The following FGB variants were observed in gnomAD, a reference collection of about 807,000 sequenced individuals.
The protein encoded by FGB is fibrinogen beta chain, also known as beta-fibrinogen.
A neutral mutation model predicts 57.9 loss-of-function variants in FGB; 25 were observed. That is an observed-to-expected ratio of 0.43 (90% confidence interval 0.31 to 0.60). FGB has a LOEUF of 0.60. FGB is among the 20% of genes least tolerant of loss of function. The pLI, the probability that FGB is intolerant of heterozygous loss-of-function variation, is 0.08. For missense variants in FGB, 536 were observed against 598.4 expected (o/e 0.90, Z 1.09); for synonymous variants, 203 against 199.2 (o/e 1.02, Z -0.16).
chr4:154,569,195 TC>T lies in FGB; in HGVS notation c.847del (p.Gln283ArgfsTer59). The T allele has an allele frequency of 6.2e-7, 1 of 1,614,148 alleles. No homozygotes were observed. Among genetic ancestry groups the T allele is most frequent in the Non-Finnish European group, 8.5e-7 (1 of 1,180,006 alleles). On this transcript the variant is annotated frameshift_variant, in exon 6 of 8. Transcript: ENST00000302068. LOFTEE classifies it high-confidence loss of function. ...TGTCAACCAAAGGATGGACAGTGAT[TC>T]AGAACCGTCAAGACGGTAGTGTTGA... Reference protein sequence around the residue: ...NTENGGWTVIQNRQDGSVDFG... With the variant: ...NTENGGWTVIXNRQDGSVDFG...
At chr4:154,565,288 T>C (rs1730108748) in intron 1 of FGB, 2 of 379,736 alleles carry the variant, frequency 5.3e-6, no homozygotes, top group Non-Finnish European at 1.1e-5. Flanking sequence ...CAGAGTACAT[T>C]ATGAGGGTCA....
intron 1 of FGB, 137 bp from the exon 2 acceptor site, chr4:154,565,671 C>T: frequency 1.2e-6 from 1 of 854,086 alleles, no homozygotes. Flanking sequence ...TTCACTATCA[C>T]CAACCAGCCA....
At chr4:154,566,735 C>G in intron 3 of FGB, 63 bp downstream of exon 3, 1 of 1,431,214 alleles carries the variant, frequency 7.0e-7, no homozygotes, top group East Asian at 2.3e-5. Flanking sequence ...TAGACTGCCA[C>G]GAGAATGCAT....
At chr4:154,568,318 G>A (rs1466727412) in intron 4 of FGB, 63 bp from the exon 5 acceptor site, 4 of 858,706 alleles carry the variant, frequency 4.7e-6, no homozygotes, top group Non-Finnish European at 8.1e-6. Context: ...TAAAGAATTG[G>A]TGACTAAATA....
rs761354866 is a variant in FGB at position 154,565,885 on chromosome 4, G to A, written c.192G>A (p.Pro64=). 4.4e-5 allele frequency: 71 copies of A among 1,613,834 alleles called. 1 individual carries two copies. In the South Asian group the frequency reaches 5.1e-4, roughly 11 times the overall value. The change falls in exon 2 of 8, where the codon CCG becomes CCA. Residue 64 remains proline, a synonymous_variant. Transcript: ENST00000302068. ...EEAPSLRPAP[P]PISGGGYRAR... ...CTCCCAGCCTGAGGCCTGCCCCACC[G>A]CCCATCAGTGGAGGTGGCTATCGGG...
chr4:154,570,065 T>C (rs918251227), intron 7 of FGB, among the ~76,000 whole-genome samples: 3 of 152,246 alleles, frequency 2.0e-5, no homozygotes, highest in Admixed American at 6.5e-5. Flanking sequence ...GCACAGTTAC[T>C]TTCTGAATAA....
chr4:154,563,967 G>A (rs1730051502), intron 1 of FGB, among the ~76,000 whole-genome samples: 1 of 151,912 alleles, frequency 6.6e-6, no homozygotes, highest in Non-Finnish European at 1.5e-5. Context: ...GATCATTATT[G>A]AGTTTCAAGG....
At position 154,571,942 on chromosome 4, in the gene FGB, C is replaced by T. The variant is rs564877825; in HGVS notation, c.*1292C>T. ...AATGCTACTACTCTCTTTAATTACTCACCAAATCCAACTTTAACTTTTGAC... is the reference window on the plus strand; with the variant it reads ...AATGCTACTACTCTCTTTAATTACTTACCAAATCCAACTTTAACTTTTGAC... On this transcript the variant is annotated 3_prime_UTR_variant, in exon 8 of 8. Coordinates refer to ENST00000302068, the MANE Select transcript of FGB (RefSeq NM_005141.5). Among the ~76,000 whole-genome samples, 2 of 152,274 alleles carry T rather than the reference C, an allele frequency of 1.3e-5. No individual in the cohort carries two copies. The highest frequency in any genetic ancestry group is 6.5e-5 in the Admixed American group (1 of 15,296).
chr4:154,567,048 C>T (rs928461197), intron 3 of FGB, among the ~76,000 whole-genome samples: 1 of 152,152 alleles, frequency 6.6e-6, no homozygotes, highest in Non-Finnish European at 1.5e-5. Context: ...GATAATGACA[C>T]CTAACCTGTG....
chr4:154,563,134 TG>T lies in FGB; in HGVS notation c.114+3del. 7.5e-7 allele frequency: 1 copy of T among 1,340,950 alleles called. No homozygotes were observed. The highest frequency in any genetic ancestry group is 1.0e-6 in the Non-Finnish European group (1 of 956,080). The allele number at this position is 1,340,950 out of a possible 1,614,324, so 83.1% of individuals were successfully genotyped here. A position where few individuals can be genotyped will look rare whatever the true frequency, so the allele number is the denominator to read the frequency against. On this transcript the variant is annotated splice_donor_region_variant and intron_variant, in intron 1 of 7. Transcript: ENST00000302068. Reference sequence around the variant, plus strand: ...CAAGGTGTCAACGACAATGAGGAGGTGAATTTTTTAAAGCATTATTATATTA... The same window carrying T: ...CAAGGTGTCAACGACAATGAGGAGGTAATTTTTTAAAGCATTATTATATTA...
At chr4:154,565,577 C>T in intron 1 of FGB, 1 of 548,216 alleles carries the variant, frequency 1.8e-6, no homozygotes, top group Non-Finnish European at 3.3e-6. Flanking sequence ...TATCCTAAGG[C>T]CTCTCTTTAA....
At chr4:154,565,121 A>C (rs1030512293) in intron 1 of FGB, 1 of 430,042 alleles carries the variant, frequency 2.3e-6, no homozygotes, top group South Asian at 1.8e-5. Flanking sequence ...ATATGCAATA[A>C]GTTATTTAAT....
chr4:154,569,255 A>G lies in FGB; in HGVS notation c.906A>G (p.Gly302=). 6.2e-7 allele frequency: 1 copy of G among 1,614,146 alleles called. No individual in the cohort carries two copies. Among genetic ancestry groups the G allele is most frequent in the Non-Finnish European group, 8.5e-7 (1 of 1,179,998 alleles). ...FGRKWDPYKQ[G]FGNVATNTDG... ...GGAAATGGGATCCATATAAACAGGGATTTGGAAATGTTGCAACCAACACAG... is the reference window on the plus strand; with the variant it reads ...GGAAATGGGATCCATATAAACAGGGGTTTGGAAATGTTGCAACCAACACAG... Residue 302 remains glycine (G), a synonymous_variant, in exon 6 of 8, where the codon GGA becomes GGG. Coordinates refer to ENST00000302068, the MANE Select transcript of FGB (RefSeq NM_005141.5).
rs776950573 is a variant in FGB at position 154,569,308 on chromosome 4, G to A, written c.958+1G>A. On this transcript the variant is annotated splice_donor_variant, in intron 6 of 7. Transcript: ENST00000302068. LOFTEE classifies it high-confidence loss of function. ...GGGAAGAATTACTGTGGCCTACCAG[G>A]TAACGAACAGGCATGCAAAATAAAA... 6.2e-6 allele frequency: 10 copies of A among 1,613,898 alleles called. No individual in the cohort carries two copies. Among genetic ancestry groups the A allele is most frequent in the Non-Finnish European group, 8.5e-6 (10 of 1,179,964 alleles).
rs1490510014 is a variant in FGB, at chr4:154,572,536, T to A, written c.*1886T>A. On this transcript the variant is annotated 3_prime_UTR_variant, in exon 8 of 8. Coordinates refer to ENST00000302068, the MANE Select transcript of FGB (RefSeq NM_005141.5). ...CCTTGGTTCCTTGCACATCCTGAGTTCCAACGGACAGGCAGGGAGTTCAAG... is the reference window on the plus strand; with the variant it reads ...CCTTGGTTCCTTGCACATCCTGAGTACCAACGGACAGGCAGGGAGTTCAAG... 6.6e-6 allele frequency among the ~76,000 whole-genome samples: 1 copy of A among 152,162 alleles called. No homozygotes were observed. The highest frequency in any genetic ancestry group is 6.5e-5 in the Admixed American group (1 of 15,270).
At chr4:154,562,996 G>A (rs1207174015), upstream of FGB, 1 of 1,177,368 alleles carries the variant, frequency 8.5e-7, no homozygotes, top group Non-Finnish European at 1.2e-6. Flanking sequence ...ATATAGGATT[G>A]AAGATCTCTC....
At chr4:154,566,035 C>T in intron 2 of FGB, 36 bp downstream of exon 2, 2 of 1,592,418 alleles carry the variant, frequency 1.3e-6, no homozygotes, top group Non-Finnish European at 1.7e-6. Context: ...TGGTGGCTCT[C>T]TCATGCAGAG....
In FGB at chr4:154,568,682, C is replaced by CAA. The variant is rs1234971217; in HGVS notation, c.832+201_832+202dup. ...GCAACATAATGAGACCCTAACTCTA[C>CAA]AAAAAAAAAAAAAATACCAAAAAAA... On this transcript the variant is annotated intron_variant, in intron 5 of 7. Coordinates refer to ENST00000302068, the MANE Select transcript of FGB (RefSeq NM_005141.5). Among the ~76,000 whole-genome samples, 4,712 of 84,388 alleles carry CAA rather than the reference C, an allele frequency of 0.056. 318 individuals carry two copies. Among genetic ancestry groups the CAA allele is most frequent in the African/African-American group, 0.2 (4,272 of 20,962 alleles). 55.4% of individuals were successfully genotyped at this position (84,388 alleles called of 152,430 possible).
rs1478106076 is a variant in FGB, at chr4:154,563,147, G to A, written c.114+15G>A. On this transcript the variant is annotated intron_variant, in intron 1 of 7. Coordinates refer to ENST00000302068, the MANE Select transcript of FGB (RefSeq NM_005141.5). ...ACAATGAGGAGGTGAATTTTTTAAAGCATTATTATATTATTAGTAGTATTA... is the reference window on the plus strand; with the variant it reads ...ACAATGAGGAGGTGAATTTTTTAAAACATTATTATATTATTAGTAGTATTA... 4.6e-6 allele frequency: 5 copies of A among 1,095,494 alleles called. No homozygotes were observed. In the African/African-American group the frequency reaches 6.2e-5, roughly 14 times the overall value. The allele number at this position is 1,095,494 out of a possible 1,614,324, so 67.9% of individuals were successfully genotyped here.
Sources: allele counts gnomAD v4.1 joint callset (sites outside exome capture counted in the v4.1 genomes callset), GRCh38; gene constraint gnomAD v4.1.1; transcripts MANE v1.5; gene names NCBI Gene and HGNC (gene_info 2026-07-23, HGNC 2026-07-21).